C7orf78: variants seen among roughly 807,000 people sequenced by gnomAD.
The protein encoded by C7orf78 is chromosome 7 open reading frame 78, also known as putative uncharacterized protein C7orf78.
the C7orf78 span, among the ~76,000 whole-genome samples, chr7:12,512,862 T>G: frequency 3.9e-5 from 6 of 152,176 alleles, no homozygotes; most frequent in Non-Finnish European, 7.4e-5. Flanking sequence ...TACTTATTAG[T>G]CTGTTCAGGT....
chr7:12,529,097 G>T, the C7orf78 span: 1 of 398,064 alleles, frequency 2.5e-6, no homozygotes, highest in South Asian at 1.3e-4. Flanking sequence ...CACTGTTGTC[G>T]ACAATTGCTT....
At chr7:12,495,338 T>C in the C7orf78 span, among the ~76,000 whole-genome samples, 21 of 152,240 alleles carry the variant, frequency 1.4e-4, no homozygotes, top group Non-Finnish European at 2.4e-4. Flanking sequence ...ATGTCTAATC[T>C]CCAATGTCCA....
chr7:12,509,690 A>T, the C7orf78 span, among the ~76,000 whole-genome samples: 24 of 152,220 alleles, frequency 1.6e-4, no homozygotes, highest in East Asian at 3.7e-3. Flanking sequence ...CAAGTTTTTT[A>T]ACTCCCACGT....
the C7orf78 span, chr7:12,487,079 A>G: frequency 6.6e-6 from 1 of 152,042 alleles, no homozygotes; most frequent in East Asian, 1.9e-4. Context: ...TAGGTAAGTT[A>G]CCTAACATCT....
At chr7:12,526,640 T>C in the C7orf78 span, among the ~76,000 whole-genome samples, 6 of 152,206 alleles carry the variant, frequency 3.9e-5, no homozygotes, top group Admixed American at 3.9e-4. Context: ...ATTGTACACA[T>C]TTTAGCATGT....
the C7orf78 span, chr7:12,507,401 A>G: frequency 2.2e-5 from 4 of 180,216 alleles, no homozygotes; most frequent in African/African-American, 9.4e-5. Flanking sequence ...GCAGACAGCC[A>G]TGAGGCCAGC....
the C7orf78 span, among the ~76,000 whole-genome samples, chr7:12,506,282 C>T: frequency 6.6e-6 from 1 of 152,124 alleles, no homozygotes; most frequent in African/African-American, 2.4e-5. Flanking sequence ...CCCAGTGATC[C>T]CATTACTGGA....
the C7orf78 span, among the ~76,000 whole-genome samples, chr7:12,532,548 CAAA>C: frequency 7.4e-6 from 1 of 135,988 alleles, no homozygotes; most frequent in Non-Finnish European, 1.6e-5. Flanking sequence ...GACTCTGTTT[CAAA>C]AAAAAAAAAA....
the C7orf78 span, among the ~76,000 whole-genome samples, chr7:12,528,480 A>T: frequency 1.4e-5 from 2 of 147,576 alleles, no homozygotes; most frequent in Non-Finnish European, 1.5e-5. Context: ...CTTTGGTAGA[A>T]AATGCCATCT....
chr7:12,526,177 C>T, the C7orf78 span, among the ~76,000 whole-genome samples: 2 of 151,950 alleles, frequency 1.3e-5, no homozygotes, highest in Non-Finnish European at 2.9e-5. Context: ...ACTCTGGAGC[C>T]CAGCTGTGCA....
the C7orf78 span, among the ~76,000 whole-genome samples, chr7:12,520,652 C>T: frequency 6.6e-6 from 1 of 152,182 alleles, no homozygotes; most frequent in Non-Finnish European, 1.5e-5. Flanking sequence ...AACTTATGAT[C>T]TATCCTGGAG....
At chr7:12,506,044 C>G in the C7orf78 span, 1 of 152,814 alleles carries the variant, frequency 6.5e-6, no homozygotes, top group Non-Finnish European at 1.5e-5. Flanking sequence ...TTTCAGAACA[C>G]AATGCAACAA....
At chr7:12,517,006 G>A in the C7orf78 span, among the ~76,000 whole-genome samples, 7 of 152,136 alleles carry the variant, frequency 4.6e-5, no homozygotes, top group African/African-American at 1.4e-4. Context: ...TGTTGGGAAG[G>A]CATGATTGGT....
chr7:12,487,755 T>A, the C7orf78 span, among the ~76,000 whole-genome samples: 1 of 152,018 alleles, frequency 6.6e-6, no homozygotes, highest in Non-Finnish European at 1.5e-5. Context: ...ACTGAAAATA[T>A]GAAAACAGAT....
At chr7:12,498,433 G>C in the C7orf78 span, among the ~76,000 whole-genome samples, 1 of 151,284 alleles carries the variant, frequency 6.6e-6, no homozygotes, top group Non-Finnish European at 1.5e-5. Flanking sequence ...ACTACGTGAA[G>C]AATGCAGAAG....
At chr7:12,539,244 C>T in the C7orf78 span, among the ~76,000 whole-genome samples, 2 of 152,220 alleles carry the variant, frequency 1.3e-5, no homozygotes, top group Non-Finnish European at 2.9e-5. Context: ...GTGGGCGGAT[C>T]GTGAGGTCAG....
At chr7:12,507,449 G>A in the C7orf78 span, 23 of 202,084 alleles carry the variant, frequency 1.1e-4, no homozygotes, top group East Asian at 5.7e-4. Context: ...AGAGAGAGAC[G>A]GAAATATCTC....
At chr7:12,486,456 T>C in the C7orf78 span, among the ~76,000 whole-genome samples, 1 of 151,972 alleles carries the variant, frequency 6.6e-6, no homozygotes, top group African/African-American at 2.4e-5. Flanking sequence ...TGCAGTCTGA[T>C]ATGCTAACAA....
chr7:12,532,331 C>T, the C7orf78 span, among the ~76,000 whole-genome samples: 4 of 152,156 alleles, frequency 2.6e-5, no homozygotes, highest in East Asian at 5.8e-4. Flanking sequence ...GGGTGAATCA[C>T]GAGGTCTGGA....
Sources: gnomAD v4.1 joint callset for allele counts (sites outside exome capture counted in the v4.1 genomes callset) on GRCh38, gnomAD v4.1.1 for gene constraint, MANE v1.5 for transcripts, NCBI Gene and HGNC (gene_info 2026-07-23, HGNC 2026-07-21) for gene names.